Variants in CTNNA2 observed in about 807,000 individuals in gnomAD.
CTNNA2 encodes the protein catenin alpha 2, also known as catenin alpha-2.
A neutral mutation model predicts 101.0 loss-of-function variants in CTNNA2; 42 were observed. The ratio of observed to expected loss-of-function variants is 0.42; its 90% CI spans 0.32 to 0.54. The LOEUF (loss-of-function observed/expected upper bound fraction) is 0.54, where lower values mean the gene tolerates loss of function less well. CTNNA2 is among the 20% of genes least tolerant of loss of function. The pLI, the probability that CTNNA2 is intolerant of heterozygous loss-of-function variation, is 0.14. For missense variants in CTNNA2, 871 were observed against 1,223.1 expected (o/e 0.71, Z 4.29); for synonymous variants, 450 against 456.4 (o/e 0.99, Z 0.18).
intron 7 of CTNNA2, among the ~76,000 whole-genome samples, chr2:80,163,405 G>T (rs973831123): frequency 6.6e-6 from 1 of 152,006 alleles, no homozygotes; most frequent in Non-Finnish European, 1.5e-5. Flanking sequence ...CAGGTGTTTG[G>T]AGATTTTCTT....
At chr2:80,612,549 A>C (rs1290595230) in intron 17 of CTNNA2, among the ~76,000 whole-genome samples, 1 of 151,566 alleles carries the variant, frequency 6.6e-6, no homozygotes, top group Non-Finnish European at 1.5e-5. Flanking sequence ...AATACAAATT[A>C]GGGAAAAGAA....
intron 2 of CTNNA2, among the ~76,000 whole-genome samples, chr2:79,301,218 T>C (rs1676100098): frequency 6.6e-6 from 1 of 152,246 alleles, no homozygotes; most frequent in Admixed American, 6.5e-5. Flanking sequence ...TTATCATGTC[T>C]TTATAAGATT....
At chr2:79,809,516 G>T (rs1676841552) in intron 3 of CTNNA2, among the ~76,000 whole-genome samples, 1 of 152,100 alleles carries the variant, frequency 6.6e-6, no homozygotes, top group African/African-American at 2.4e-5. Context: ...ATGTGGTTTT[G>T]ATTTGCATTT....
At chr2:79,260,325 C>T (rs1674903924) in intron 2 of CTNNA2, among the ~76,000 whole-genome samples, 1 of 152,156 alleles carries the variant, frequency 6.6e-6, no homozygotes, top group Non-Finnish European at 1.5e-5. Flanking sequence ...GACATGACCA[C>T]AACACATGAG....
chr2:80,411,200 T>C (rs140120712), intron 8 of CTNNA2, among the ~76,000 whole-genome samples: 8 of 152,342 alleles, frequency 5.3e-5, no homozygotes, highest in African/African-American at 1.9e-4. Context: ...CATTAAGAGT[T>C]ATAAGAAAAT....
intron 2 of CTNNA2, among the ~76,000 whole-genome samples, chr2:79,224,297 C>T (rs1239955748): frequency 6.6e-6 from 1 of 152,070 alleles, no homozygotes; most frequent in Non-Finnish European, 1.5e-5. Context: ...ACCAATGAAT[C>T]ACCAAGATGT....
chr2:79,798,814 C>T (rs4284854), intron 3 of CTNNA2, among the ~76,000 whole-genome samples: 66,558 of 151,856 alleles, frequency 0.44, 18,693 homozygotes, highest in African/African-American at 0.78. Flanking sequence ...TAGAGTAACA[C>T]AGTTTTATAA....
At chr2:80,238,086 G>A (rs1295036028) in intron 7 of CTNNA2, among the ~76,000 whole-genome samples, 2 of 152,242 alleles carry the variant, frequency 1.3e-5, no homozygotes, top group African/African-American at 4.8e-5. Context: ...CTAGAGGAAG[G>A]AACTGGTAAG....
chr2:79,896,387 A>G (rs1352095553), intron 6 of CTNNA2, among the ~76,000 whole-genome samples: 1 of 152,298 alleles, frequency 6.6e-6, no homozygotes, highest in African/African-American at 2.4e-5. Context: ...ATCAATTGCT[A>G]CTGTAGACCT....
At chr2:79,660,129 T>A (rs1681918464) in intron 2 of CTNNA2, among the ~76,000 whole-genome samples, 1 of 151,728 alleles carries the variant, frequency 6.6e-6, no homozygotes, top group African/African-American at 2.4e-5. Context: ...TACATACAAA[T>A]AGCATGTGCA....
intron 2 of CTNNA2, among the ~76,000 whole-genome samples, chr2:79,200,054 C>T (rs911738695): frequency 2.0e-5 from 3 of 150,636 alleles, no homozygotes; most frequent in Admixed American, 2.0e-4. Flanking sequence ...AGAGAGAGAC[C>T]ACTCTCTAGT....
intron 7 of CTNNA2, among the ~76,000 whole-genome samples, chr2:80,032,124 A>G (rs1402896563): frequency 1.3e-5 from 2 of 152,188 alleles, no homozygotes; most frequent in Non-Finnish European, 2.9e-5. Flanking sequence ...GTATAAGGAG[A>G]CCAAGGCTAA....
At chr2:79,867,596 A>C (rs766251555) in intron 4 of CTNNA2, among the ~76,000 whole-genome samples, 10 of 152,188 alleles carry the variant, frequency 6.6e-5, no homozygotes, top group Non-Finnish European at 1.3e-4. Flanking sequence ...TTTACACGGA[A>C]AGACCCCATT....
At chr2:79,458,241 C>T (rs1670845308) in intron 4 of CTNNA2, among the ~76,000 whole-genome samples, 1 of 152,222 alleles carries the variant, frequency 6.6e-6, no homozygotes, top group South Asian at 2.1e-4. Context: ...CATGATTTAA[C>T]TATTCTTATA....
intron 7 of CTNNA2, among the ~76,000 whole-genome samples, chr2:80,190,139 G>A (rs186013440): frequency 1.5e-4 from 23 of 152,064 alleles, no homozygotes; most frequent in African/African-American, 5.1e-4. Context: ...AGGGGTTAAT[G>A]AGGTTAACCC....
At chr2:80,098,766 G>A (rs938085053) in intron 7 of CTNNA2, among the ~76,000 whole-genome samples, 4 of 152,216 alleles carry the variant, frequency 2.6e-5, no homozygotes, top group Non-Finnish European at 5.9e-5. Flanking sequence ...TGCTGTGCTA[G>A]CAATGAGGGA....
intron 2 of CTNNA2, among the ~76,000 whole-genome samples, chr2:79,311,827 T>C (rs1294785551): frequency 6.6e-6 from 1 of 152,166 alleles, no homozygotes; most frequent in Non-Finnish European, 1.5e-5. Context: ...GGAATTAATG[T>C]GGTCAGTCTT....
Position 79,961,381 on chromosome 2 carries a change from C to T in CTNNA2, c.1056+51584C>T, listed in dbSNP as rs142492460. On this transcript the variant is annotated intron_variant, in intron 7 of 18. Transcript: ENST00000402739. ...ATCACCCAGTGCTTGAGGCATGATT[C>T]CCTTATTACCAGCCTCATCAGTCAA... Among the ~76,000 whole-genome samples the T allele has an allele frequency of 6.7e-3, 1,026 of 152,280 alleles. 8 individuals are homozygous for T. The highest frequency in any genetic ancestry group is 0.023 in the African/African-American group (959 of 41,548).
chr2:79,794,541 C>T (rs1461854868), intron 3 of CTNNA2, among the ~76,000 whole-genome samples: 1 of 152,144 alleles, frequency 6.6e-6, no homozygotes, highest in Non-Finnish European at 1.5e-5. Context: ...AGTTTCCTCC[C>T]TGCCTTTTCT....
Sources: gnomAD v4.1 joint callset for allele counts (sites outside exome capture counted in the v4.1 genomes callset) on GRCh38, gnomAD v4.1.1 for gene constraint, MANE v1.5 for transcripts, NCBI Gene and HGNC (gene_info 2026-07-23, HGNC 2026-07-21) for gene names.